The following ADAM15 variants were observed in gnomAD, a reference collection of about 807,000 sequenced individuals.
ADAM15 encodes the protein disintegrin and metalloproteinase domain-containing protein 15.
Under a neutral mutation model 113.8 loss-of-function variants are expected in ADAM15, and 77 were observed. The observed-to-expected ratio is 0.68, with a 90% CI of 0.56 to 0.82. The LOEUF (loss-of-function observed/expected upper bound fraction) is 0.82, where lower values mean the gene tolerates loss of function less well. Ranked by LOEUF, ADAM15 falls within the 40% of genes least tolerant of loss-of-function variation. The pLI is 0.00. For synonymous variants in ADAM15, 388 were observed against 454.1 expected, an observed-to-expected ratio of 0.85 and a Z score of 1.85; for missense variants, 963 against 1,120.1, an observed-to-expected ratio of 0.86 and a Z score of 2.00.
chr1:155,061,785 C>T, intron 20 of ADAM15, 119 bp from the exon 21 acceptor site: 3 of 1,162,806 alleles, frequency 2.6e-6, no homozygotes, highest in Non-Finnish European at 3.6e-6. Flanking sequence ...CGCATGCCCT[C>T]ATTCTCTCCT....
Position 155,057,602 on chromosome 1 carries a change from G to A in ADAM15, c.1324-35G>A. 6.2e-7 allele frequency: 1 copy of A among 1,610,076 alleles called. No individual in the cohort carries two copies. Among genetic ancestry groups the A allele is most frequent in the Non-Finnish European group, 8.5e-7 (1 of 1,176,564 alleles). Reference sequence around the variant, plus strand: ...GGAGGGAGGCTCACAGGCCCCACCTGCTCTGATGCCCGGCCCCCGTGCTCC... The same window carrying A: ...GGAGGGAGGCTCACAGGCCCCACCTACTCTGATGCCCGGCCCCCGTGCTCC... On this transcript the variant is annotated intron_variant, in intron 12 of 22. Coordinates refer to ENST00000356955, the MANE Select transcript of ADAM15 (RefSeq NM_207197.3). The surrounding 1 kb of genome is among the most constrained non-coding windows in gnomAD (Gnocchi z 5.0).
chr1:155,051,463 T>C lies in ADAM15; in HGVS notation c.77T>C (p.Ile26Thr). ...CTGCCTTCCTGGCCGCTCCCAAATATAGGTGAGTCCTCCGCCTGGAGTGGG... is the reference window on the plus strand; with the variant it reads ...CTGCCTTCCTGGCCGCTCCCAAATACAGGTGAGTCCTCCGCCTGGAGTGGG... ...SPLPSWPLPNIGGTEEQQAES... is the reference protein window; with the variant it reads ...SPLPSWPLPNTGGTEEQQAES... Residue 26 changes from isoleucine to threonine, a missense_variant and splice_region_variant, in exon 1 of 23, where the codon ATA (isoleucine) becomes ACA (threonine). By Grantham distance (89) the Ile-to-Thr change is moderately conservative. Transcript: ENST00000356955. 6.4e-7 allele frequency: 1 copy of C among 1,563,580 alleles called. No homozygotes were observed. The highest frequency in any genetic ancestry group is 8.6e-7 in the Non-Finnish European group (1 of 1,159,320).
chr1:155,058,514 C>T lies in ADAM15; in HGVS notation c.1917+73C>T, dbSNP rs1285033290. The T allele has an allele frequency of 2.5e-6, 4 of 1,574,568 alleles. No homozygotes were observed. Among genetic ancestry groups the T allele is most frequent in the Non-Finnish European group, 3.4e-6 (4 of 1,164,392 alleles). On this transcript the variant is annotated intron_variant, in intron 15 of 22. Transcript: ENST00000356955. This position sits in a 1 kb window ranked among gnomAD's most constrained non-coding sequence, Gnocchi z 4.3. ...ACCACAATGAACAGAGCCCAGACTT[C>T]ACCATTCACCAATGTCAAAGGCAGG...
Position 155,053,491 on chromosome 1 carries a change from T to C in ADAM15, c.261T>C (p.Asn87=), listed in dbSNP as rs1416892025. 12 of 1,614,092 alleles carry C rather than the reference T, an allele frequency of 7.4e-6. No individual in the cohort carries two copies. Among genetic ancestry groups the C allele is most frequent in the Non-Finnish European group, 1.0e-5 (12 of 1,179,992 alleles). Residue 87 remains asparagine (N), a splice_region_variant and synonymous_variant, in exon 3 of 23, where the codon AAT becomes AAC. Transcript: ENST00000356955. The part of the protein sequence containing the change: ...GDSHILELLQ[N]RELVPGRPTL... ...GTCATATCCTGGAGCTGCTACAGAA[T>C]AGGTAATAGTGATGGTGGCAATAAC...
chr1:155,053,782 C>A (rs1468759870), intron 3 of ADAM15, 128 bp from the exon 4 acceptor site: 5 of 1,070,310 alleles, frequency 4.7e-6, no homozygotes, highest in Non-Finnish European at 5.5e-6. Flanking sequence ...GCCCCGGGGT[C>A]AGGAGTGGAA....
rs752938886 is a variant in ADAM15 at position 155,051,363 on chromosome 1, C to A, written c.-24C>A. 6.7e-7 allele frequency: 1 copy of A among 1,487,836 alleles called. No individual in the cohort carries two copies. Among genetic ancestry groups the A allele is most frequent in the Non-Finnish European group, 8.9e-7 (1 of 1,121,804 alleles). The allele number at this position is 1,487,836 out of a possible 1,614,324, so 92.2% of individuals were successfully genotyped here. A position where few individuals can be genotyped will look rare whatever the true frequency, so the allele number is the denominator to read the frequency against. ...CGCGCTGTTCCGCACTTGCTGCCCT[C>A]GCCCGGCCCGGAGCGCCGCTGCCAT... On this transcript the variant is annotated 5_prime_UTR_variant, in exon 1 of 23. Coordinates refer to ENST00000356955, the MANE Select transcript of ADAM15 (RefSeq NM_207197.3).
chr1:155,056,914 G>T lies in ADAM15; in HGVS notation c.1000-39G>T. 1 of 1,525,772 alleles carries T rather than the reference G, an allele frequency of 6.6e-7. No individual in the cohort carries two copies. The highest frequency in any genetic ancestry group is 1.3e-5 in the South Asian group (1 of 77,058). 94.5% of individuals were successfully genotyped at this position (1,525,772 alleles called of 1,614,324 possible). ...TGGTCTGGGCATTGTGGTGGAGGCAGGCTGGGACTGGACCTACAGTACCCC... is the reference window on the plus strand; with the variant it reads ...TGGTCTGGGCATTGTGGTGGAGGCATGCTGGGACTGGACCTACAGTACCCC... On this transcript the variant is annotated intron_variant, in intron 10 of 22. Coordinates refer to ENST00000356955, the MANE Select transcript of ADAM15 (RefSeq NM_207197.3). The surrounding 1 kb of genome is among the most constrained non-coding windows in gnomAD (Gnocchi z 4.0).
In ADAM15 at chr1:155,058,314, A is replaced by G; in HGVS notation, c.1790A>G (p.Asp597Gly). ...CAGCCTCTGCTGGGCTCCATCCGGG[A>G]TCTACTCTGGGAGACAATAGATGTG... The part of the protein sequence containing the change: ...RTQPLLGSIR[D>G]LLWETIDVNG... The change falls in exon 15 of 23, where the codon GAT becomes GGT. Residue 597 changes from aspartate (D) to glycine (G), a missense_variant. Transcript: ENST00000356955. This position sits in a 1 kb window ranked among gnomAD's most constrained non-coding sequence, Gnocchi z 4.3. The G allele has an allele frequency of 6.2e-7, 1 of 1,614,030 alleles. No individual in the cohort carries two copies. The highest frequency in any genetic ancestry group is 8.5e-7 in the Non-Finnish European group (1 of 1,180,012).
At chr1:155,051,499 G>T in intron 1 of ADAM15, 34 bp downstream of exon 1, 1 of 1,498,626 alleles carries the variant, frequency 6.7e-7, no homozygotes, top group South Asian at 1.3e-5. Context: ...TCGGGGGGCG[G>T]ACTGGGAGGG....
intron 19 of ADAM15, 139 bp downstream of exon 19, chr1:155,060,971 G>A (rs1662495786): frequency 3.7e-6 from 3 of 817,516 alleles, no homozygotes; most frequent in Non-Finnish European, 5.7e-6. Flanking sequence ...GTCAGGGCCA[G>A]CCCTGCCCTC....
chr1:155,054,766 A>C (rs1004838618), intron 6 of ADAM15, among the ~76,000 whole-genome samples: 1 of 152,248 alleles, frequency 6.6e-6, no homozygotes, highest in Admixed American at 6.5e-5. Flanking sequence ...GCCACTCAGG[A>C]GGCCGAAGTG....
intron 6 of ADAM15, among the ~76,000 whole-genome samples, chr1:155,055,218 A>ATT (rs1558122925): frequency 1.3e-5 from 2 of 148,242 alleles, no homozygotes; most frequent in Non-Finnish European, 3.0e-5. Context: ...GATTTTTAAA[A>ATT]ATTATTATTA....
intron 16 of ADAM15, among the ~76,000 whole-genome samples, chr1:155,059,198 G>A (rs370347031): frequency 3.9e-5 from 6 of 152,098 alleles, no homozygotes; most frequent in Non-Finnish European, 7.4e-5. Context: ...CTCCCTACTC[G>A]CTGGGATTAC....
intron 20 of ADAM15, 69 bp from the exon 21 acceptor site, chr1:155,061,835 G>A (rs1365106247): frequency 3.5e-6 from 5 of 1,448,352 alleles, no homozygotes; most frequent in African/African-American, 2.9e-5. Context: ...GAACCCCTCT[G>A]GGGAATCTCT....
At position 155,060,873 on chromosome 1, in the gene ADAM15, C is replaced by T. The variant is rs372748921; in HGVS notation, c.2277+41C>T. On this transcript the variant is annotated intron_variant, in intron 19 of 22. Coordinates refer to ENST00000356955, the MANE Select transcript of ADAM15 (RefSeq NM_207197.3). ...CAGAGGAAGGGGACTCCACCTTGGC[C>T]GGGCATCCAGCTTGGGCCCTGGGGG... 63 of 1,579,376 alleles carry T rather than the reference C, an allele frequency of 4.0e-5. No individual in the cohort carries two copies. The African/African-American group carries it at 5.2e-4, about 13-fold the overall frequency.
In ADAM15 at chr1:155,058,784, T is replaced by C; in HGVS notation, c.1992T>C (p.His664=). ...AQECRSKCHG[H]GVCDSNRHCY... ...AATGTCGAAGCAAATGCCATGGACA[T>C]GGGGTGAGCTGGGATGGGGGAAGTG... Residue 664 remains histidine (H), a synonymous_variant, in exon 16 of 23, where the codon CAT becomes CAC. Coordinates refer to ENST00000356955, the MANE Select transcript of ADAM15 (RefSeq NM_207197.3). The surrounding 1 kb of genome is among the most constrained non-coding windows in gnomAD (Gnocchi z 4.3). The C allele has an allele frequency of 6.2e-7, 1 of 1,610,762 alleles. No individual in the cohort carries two copies. The highest frequency in any genetic ancestry group is 8.5e-7 in the Non-Finnish European group (1 of 1,177,982).
At position 155,058,300 on chromosome 1, in the gene ADAM15, G is replaced by A. The variant is rs1662074398; in HGVS notation, c.1776G>A (p.Leu592=). The A allele has an allele frequency of 6.2e-7, 1 of 1,614,010 alleles. No individual in the cohort carries two copies. The part of the protein sequence containing the change: ...QCQTGRTQPL[L]GSIRDLLWET... Reference sequence around the variant, plus strand: ...AGACAGGTAGGACCCAGCCTCTGCTGGGCTCCATCCGGGATCTACTCTGGG... The same window carrying A: ...AGACAGGTAGGACCCAGCCTCTGCTAGGCTCCATCCGGGATCTACTCTGGG... Residue 592 remains leucine (L), a synonymous_variant, in exon 15 of 23, where the codon CTG becomes CTA. Coordinates refer to ENST00000356955, the MANE Select transcript of ADAM15 (RefSeq NM_207197.3). The surrounding 1 kb of genome is among the most constrained non-coding windows in gnomAD (Gnocchi z 4.3).
At chr1:155,055,874 C>T in intron 7 of ADAM15, 22 bp downstream of exon 7, 3 of 1,614,230 alleles carry the variant, frequency 1.9e-6, no homozygotes, top group South Asian at 1.1e-5. Context: ...GGCCCCTGCA[C>T]ATCCTCCTCC....
rs777257663 is a variant in ADAM15 at position 155,057,225 on chromosome 1, C to G, written c.1186C>G (p.Arg396Gly). The change falls in exon 12 of 23, where the codon CGG (arginine) becomes GGG (glycine). Residue 396 changes from arginine to glycine, a missense_variant. Transcript: ENST00000356955. The surrounding 1 kb of genome is among the most constrained non-coding windows in gnomAD (Gnocchi z 5.0). ...CCTGAACTTCAGCAACTGCAGCCGA[C>G]GGGCCCTGGAGAAAGCCCTCCTGGA... ...PGLNFSNCSR[R>G]ALEKALLDGM... 1 of 1,613,870 alleles carries G rather than the reference C, an allele frequency of 6.2e-7. No homozygotes were observed. The highest frequency in any genetic ancestry group is 8.5e-7 in the Non-Finnish European group (1 of 1,179,900).
Sources: allele counts gnomAD v4.1 joint callset (sites outside exome capture counted in the v4.1 genomes callset), GRCh38; gene constraint gnomAD v4.1.1; non-coding constraint Gnocchi (gnomAD v3.1); transcripts MANE v1.5; gene names NCBI Gene and HGNC (gene_info 2026-07-23, HGNC 2026-07-21).